The following CHRD variants were observed in gnomAD, a reference collection of about 807,000 sequenced individuals.
The protein encoded by CHRD is chordin.
A neutral mutation model predicts 113.7 loss-of-function variants in CHRD; 69 were observed. The ratio of observed to expected loss-of-function variants is 0.61; its 90% confidence interval spans 0.50 to 0.74. The LOEUF is 0.74. Among genes scored for constraint, CHRD ranks in the 30% least tolerant of loss-of-function variants. CHRD has a pLI of 0.00. For missense variants in CHRD, 1,194 were observed against 1,295.8 expected (o/e 0.92, Z 1.21); for synonymous variants, 561 against 540.8 (o/e 1.04, Z -0.52).
rs752780835 is a variant in CHRD at position 184,383,058 on chromosome 3, G to T, written c.1108G>T (p.Glu370Ter). 6.2e-7 allele frequency: 1 copy of T among 1,612,282 alleles called. No homozygotes were observed. Among genetic ancestry groups the T allele is most frequent in the Non-Finnish European group, 8.5e-7 (1 of 1,179,310 alleles). The change falls in exon 10 of 23, where the codon GAG (glutamate) becomes TAG (stop). Residue 370 changes from glutamate to a stop codon, truncating the protein, a stop_gained. Coordinates refer to ENST00000204604, the Ensembl canonical transcript of CHRD. LOFTEE classifies it high-confidence loss of function. ...GGTGCTGCCCAACCTGACAGTCCAGGAGATGGACTGGCTGGTGCTGGGGGA... is the reference window on the plus strand; with the variant it reads ...GGTGCTGCCCAACCTGACAGTCCAGTAGATGGACTGGCTGGTGCTGGGGGA...
At chr3:184,386,802 G>A (rs751649997) in intron 16 of CHRD, 43 bp from the exon 17 acceptor site, 1 of 1,613,752 alleles carries the variant, frequency 6.2e-7, no homozygotes, top group Admixed American at 1.7e-5. Context: ...TCTGGAGCAA[G>A]GGGCCTGGAC....
At position 184,388,425 on chromosome 3, in the gene CHRD, A is replaced by G. The variant is rs58668121; in HGVS notation, c.2555-162A>G. 4.1e-4 allele frequency among the ~76,000 whole-genome samples: 54 copies of G among 131,052 alleles called. No individual in the cohort carries two copies. The highest frequency in any genetic ancestry group is 7.0e-4 in the Non-Finnish European group (41 of 58,334). 86.0% of individuals were successfully genotyped at this position (131,052 alleles called of 152,430 possible). ...CATCCATCCATCCATCCATCCATCC[A>G]TCCATCCGTCCCTTCATCCATCCAT... On this transcript the variant is annotated intron_variant, in intron 20 of 22. Transcript: ENST00000204604. This position sits in a 1 kb window ranked among gnomAD's most constrained non-coding sequence, Gnocchi z 6.1.
At position 184,381,922 on chromosome 3, in the gene CHRD, C is replaced by T; in HGVS notation, c.612-11C>T. On this transcript the variant is annotated splice_polypyrimidine_tract_variant and intron_variant, in intron 5 of 22. Transcript: ENST00000204604. The surrounding 1 kb of genome is among the most constrained non-coding windows in gnomAD (Gnocchi z 4.7). The stretch of plus-strand genomic sequence containing the variant: ...GGCTCAGTCCGGCCTCACCCGACCT[C>T]TCATTCCCAGGCTGGACCGCCCTAC... The T allele has an allele frequency of 3.1e-6, 5 of 1,614,068 alleles. No individual in the cohort carries two copies. Among genetic ancestry groups the T allele is most frequent in the Non-Finnish European group, 2.5e-6 (3 of 1,180,020 alleles).
Position 184,388,093 on chromosome 3 carries a change from G to C in CHRD, c.2554+60G>C. 5 of 1,448,688 alleles carry C rather than the reference G, an allele frequency of 3.5e-6. No homozygotes were observed. In the South Asian group the frequency reaches 5.9e-5, roughly 17 times the overall value. The allele number at this position is 1,448,688 out of a possible 1,614,324, so 89.7% of individuals were successfully genotyped here. A position where few individuals can be genotyped will look rare whatever the true frequency, so the allele number is the denominator to read the frequency against. On this transcript the variant is annotated intron_variant, in intron 20 of 22. Transcript: ENST00000204604. This position sits in a 1 kb window ranked among gnomAD's most constrained non-coding sequence, Gnocchi z 6.1. ...TTGGGTTGAGGCAGGCTTTGTCCTG[G>C]GTGAGGGGAAGGGTGCTCAGTTAAT...
chr3:184,380,323 C>T lies in CHRD; in HGVS notation c.5C>T (p.Pro2Leu), dbSNP rs750188901. 1.7e-5 allele frequency: 22 copies of T among 1,330,792 alleles called. No individual in the cohort carries two copies. The highest frequency in any genetic ancestry group is 1.8e-5 in the Non-Finnish European group (19 of 1,029,398). 82.4% of individuals were successfully genotyped at this position (1,330,792 alleles called of 1,614,324 possible). A position where few individuals can be genotyped will look rare whatever the true frequency, so the allele number is the denominator to read the frequency against. The stretch of plus-strand genomic sequence containing the variant: ...CCCAGCTGTCCCGTTCGCGTCATGC[C>T]GAGCCTCCCGGCCCCGCCGGCCCCG... The change falls in exon 1 of 23, where the codon CCG becomes CTG. Residue 2 changes from proline (P) to leucine (L), a missense_variant. Physicochemically the swap from Pro to Leu is moderately conservative, Grantham distance 98. Coordinates refer to ENST00000204604, the Ensembl canonical transcript of CHRD. The surrounding 1 kb of genome is among the most constrained non-coding windows in gnomAD (Gnocchi z 6.3).
chr3:184,387,837 A>T lies in CHRD; in HGVS notation c.2452-94A>T, dbSNP rs1716569681. On this transcript the variant is annotated intron_variant, in intron 19 of 22. Coordinates refer to ENST00000204604, the Ensembl canonical transcript of CHRD. The surrounding 1 kb of genome is among the most constrained non-coding windows in gnomAD (Gnocchi z 6.1). ...CGGGCCTCTGAGTAAAAGGCCACAG[A>T]GAGACTGCATTTGAGGTGTGGAATA... The T allele has an allele frequency of 8.6e-7, 1 of 1,156,264 alleles. No homozygotes were observed. Among genetic ancestry groups the T allele is most frequent in the East Asian group, 2.5e-5 (1 of 39,346 alleles). The allele number at this position is 1,156,264 out of a possible 1,614,324, so 71.6% of individuals were successfully genotyped here.
rs749872823 is a variant in CHRD, at chr3:184,384,681, G to T, written c.1585G>T (p.Ala529Ser). The T allele has an allele frequency of 1.9e-6, 3 of 1,561,162 alleles. No homozygotes were observed. The Admixed American group carries it at 5.8e-5, about 30-fold the overall frequency. Reference sequence around the variant, plus strand: ...TGCCCTGCCCTACTGTGGGCATAGCGCCCGCCATGACAGTGAGTGTCCTTA... The same window carrying T: ...TGCCCTGCCCTACTGTGGGCATAGCTCCCGCCATGACAGTGAGTGTCCTTA... The change falls in exon 13 of 23, where the codon GCC becomes TCC. Residue 529 changes from alanine (A) to serine (S), a missense_variant. Ala to Ser is a moderately conservative substitution (Grantham distance 99). Transcript: ENST00000204604. The surrounding 1 kb of genome is among the most constrained non-coding windows in gnomAD (Gnocchi z 4.4).
chr3:184,382,908 G>T (rs1332992986), exon 9 of CHRD: 15 of 1,613,974 alleles, frequency 9.3e-6, no homozygotes, highest in Non-Finnish European at 1.2e-5. Flanking sequence ...GGCAGCTACT[G>T]CGAGAACTTC....
chr3:184,383,625 C>T lies in CHRD; in HGVS notation c.1423C>T (p.Gln475Ter), dbSNP rs772347309. The T allele has an allele frequency of 1.2e-6, 2 of 1,612,206 alleles. No homozygotes were observed. The highest frequency in any genetic ancestry group is 1.7e-5 in the Admixed American group (1 of 59,836). ...TGTCCTGTGCCACATGGCTGGACTC[C>T]AGCCAGGAGGACACACGGTGAGGGC... Residue 475 changes from glutamine (Q) to a stop codon, truncating the protein, a stop_gained, in exon 12 of 23, where the codon CAG (glutamine) becomes TAG (stop). Coordinates refer to ENST00000204604, the Ensembl canonical transcript of CHRD. LOFTEE classifies it high-confidence loss of function.
Position 184,387,628 on chromosome 3 carries a change from T to C in CHRD, c.2451+151T>C. On this transcript the variant is annotated intron_variant, in intron 19 of 22. Coordinates refer to ENST00000204604, the Ensembl canonical transcript of CHRD. The surrounding 1 kb of genome is among the most constrained non-coding windows in gnomAD (Gnocchi z 6.1). ...AGGCCCTTGCGCTCTGAGAGTCGGC[T>C]TCCTGTGGGAAAATGAACAGGGCTG... 1.3e-6 allele frequency: 1 copy of C among 787,560 alleles called. No homozygotes were observed. The highest frequency in any genetic ancestry group is 2.0e-6 in the Non-Finnish European group (1 of 507,392). 48.8% of individuals were successfully genotyped at this position (787,560 alleles called of 1,614,324 possible).
rs1373289040 is a variant in CHRD, at chr3:184,389,081, T to G, written c.2812+86T>G. 1.0e-5 allele frequency: 10 copies of G among 960,142 alleles called. No individual in the cohort carries two copies. In the East Asian group the frequency reaches 2.6e-4, roughly 25 times the overall value. 59.5% of individuals were successfully genotyped at this position (960,142 alleles called of 1,614,324 possible). ...CCTGATCAGGGAAGGGAGCACTCACTGTGTGCAGGAACAGTGCAGCCTGCC... is the reference window on the plus strand; with the variant it reads ...CCTGATCAGGGAAGGGAGCACTCACGGTGTGCAGGAACAGTGCAGCCTGCC... On this transcript the variant is annotated intron_variant, in intron 22 of 22. Coordinates refer to ENST00000204604, the Ensembl canonical transcript of CHRD.
chr3:184,388,963 G>A lies in CHRD; in HGVS notation c.2780G>A (p.Arg927Gln), dbSNP rs200027250. The A allele has an allele frequency of 1.2e-4, 195 of 1,612,472 alleles. No individual in the cohort carries two copies. Among genetic ancestry groups the A allele is most frequent in the Non-Finnish European group, 1.6e-4 (184 of 1,179,882 alleles). ...TCCTGTGGCTCGGGGAAGGAGAGTC[G>A]ATGCTGTTCCCGCTGCACGGCCCAC... Residue 927 changes from arginine (R) to glutamine (Q), a missense_variant, in exon 22 of 23, where the codon CGA becomes CAA. By Grantham distance (43) the Arg-to-Gln change is conservative (BLOSUM62 1). Transcript: ENST00000204604. This position sits in a 1 kb window ranked among gnomAD's most constrained non-coding sequence, Gnocchi z 6.1.
chr3:184,386,329 G>T, intron 15 of CHRD, 163 bp from the exon 16 acceptor site: 1 of 1,257,558 alleles, frequency 8.0e-7, no homozygotes, highest in Admixed American at 2.4e-5. Flanking sequence ...TGGCAGCCCG[G>T]CACCCTATCC....
rs1715153527 is a variant in CHRD at position 184,380,562 on chromosome 3, C to A, written c.148+96C>A. On this transcript the variant is annotated intron_variant, in intron 1 of 22. Transcript: ENST00000204604. This position sits in a 1 kb window ranked among gnomAD's most constrained non-coding sequence, Gnocchi z 6.3. ...GGCGCGGGGCGCAGGTGGCTCGGCGCGGCGGGCGGCCCGGAGGGTGGGCGG... is the reference window on the plus strand; with the variant it reads ...GGCGCGGGGCGCAGGTGGCTCGGCGAGGCGGGCGGCCCGGAGGGTGGGCGG... 1.9e-6 allele frequency: 2 copies of A among 1,027,770 alleles called. No homozygotes were observed. Among genetic ancestry groups the A allele is most frequent in the Non-Finnish European group, 2.4e-6 (2 of 827,336 alleles). 63.7% of individuals were successfully genotyped at this position (1,027,770 alleles called of 1,614,324 possible). A position where few individuals can be genotyped will look rare whatever the true frequency, so the allele number is the denominator to read the frequency against.
chr3:184,389,747 G>GAGATCT, exon 23 of CHRD: 2 of 291,920 alleles, frequency 6.9e-6, no homozygotes, highest in South Asian at 6.1e-5. Context: ...AAGGGCCCCC[G>GAGATCT]ACACTCCACT....
rs1716634195 is a variant in CHRD at position 184,388,238 on chromosome 3, TCCA to T, written c.2554+206_2554+208del. Among the ~76,000 whole-genome samples, 1 of 25,334 alleles carries T rather than the reference TCCA, an allele frequency of 3.9e-5. No individual in the cohort carries two copies. The highest frequency in any genetic ancestry group is 9.9e-5 in the Non-Finnish European group (1 of 10,100). 16.6% of individuals were successfully genotyped at this position (25,334 alleles called of 152,430 possible). Reference sequence around the variant, plus strand: ...TTCTGGTTCCTGCTCCATCCATCCGTCCATCCATCCATCCATCCATCCATCCAT... The same window carrying T: ...TTCTGGTTCCTGCTCCATCCATCCGTTCCATCCATCCATCCATCCATCCAT... On this transcript the variant is annotated intron_variant, in intron 20 of 22. Transcript: ENST00000204604. The surrounding 1 kb of genome is among the most constrained non-coding windows in gnomAD (Gnocchi z 6.1).
chr3:184,386,259 G>T, intron 15 of CHRD, 100 bp downstream of exon 15: 9 of 1,379,832 alleles, frequency 6.5e-6, no homozygotes, highest in Non-Finnish European at 9.1e-6. Context: ...CTGAGTCCTG[G>T]GGGTGGTCGT....
intron 7 of CHRD, 29 bp downstream of exon 7, chr3:184,382,559 G>A (rs1473348234): frequency 1.9e-6 from 3 of 1,613,020 alleles, no homozygotes; most frequent in Admixed American, 3.3e-5. Flanking sequence ...CGGGCGTGAA[G>A]TTCTGAGTCT....
chr3:184,387,571 G>C lies in CHRD; in HGVS notation c.2451+94G>C. ...GGTGAGGAAGGCCCGTCCTTGGTGAGGAGGGCTCAAGAATCAAAACGATAT... is the reference window on the plus strand; with the variant it reads ...GGTGAGGAAGGCCCGTCCTTGGTGACGAGGGCTCAAGAATCAAAACGATAT... On this transcript the variant is annotated intron_variant, in intron 19 of 22. Coordinates refer to ENST00000204604, the Ensembl canonical transcript of CHRD. The surrounding 1 kb of genome is among the most constrained non-coding windows in gnomAD (Gnocchi z 6.1). The C allele has an allele frequency of 8.5e-7, 1 of 1,182,716 alleles. No individual in the cohort carries two copies. Among genetic ancestry groups the C allele is most frequent in the African/African-American group, 1.5e-5 (1 of 64,770 alleles). The allele number at this position is 1,182,716 out of a possible 1,614,324, so 73.3% of individuals were successfully genotyped here. A position where few individuals can be genotyped will look rare whatever the true frequency, so the allele number is the denominator to read the frequency against.
Sources: allele counts gnomAD v4.1 joint callset (sites outside exome capture counted in the v4.1 genomes callset), GRCh38; gene constraint gnomAD v4.1.1; non-coding constraint Gnocchi (gnomAD v3.1); transcripts MANE v1.5; gene names NCBI Gene and HGNC (gene_info 2026-07-23, HGNC 2026-07-21).